PHACTR2: variants seen among roughly 807,000 people sequenced by gnomAD.
The protein encoded by PHACTR2 is chromosome 6 open reading frame 56.
Under a neutral mutation model 76.0 loss-of-function variants are expected in PHACTR2, and 30 were observed. The ratio of observed to expected loss-of-function variants is 0.39; its 90% CI spans 0.30 to 0.54. PHACTR2 has a LOEUF of 0.54. Among genes scored for constraint, PHACTR2 ranks in the 20% least tolerant of loss-of-function variants. The pLI is 0.61. For synonymous variants in PHACTR2, 292 were observed against 292.5 expected (o/e 1.00, Z 0.02); for missense variants, 696 against 781.1 (o/e 0.89, Z 1.30).
intron 1 of PHACTR2, among the ~76,000 whole-genome samples, chr6:143,587,755 T>C (rs1775644772): frequency 6.6e-6 from 1 of 152,198 alleles, no homozygotes; most frequent in African/African-American, 2.4e-5. Flanking sequence ...GGCTCATACC[T>C]GTAATCCCAG....
chr6:143,804,187 A>G (rs1776017990), intron 11 of PHACTR2, among the ~76,000 whole-genome samples: 1 of 152,218 alleles, frequency 6.6e-6, no homozygotes, highest in African/African-American at 2.4e-5. Context: ...GCTGGGTTAG[A>G]TAATTCACTT....
In PHACTR2 at chr6:143,766,676, G is replaced by A. The variant is rs536400303; in HGVS notation, c.1232+878G>A. ...CTCAATGTTACCTCACCCTCATCCA[G>A]TTGGTGGGTTAGTTGCTTTACCACC... is the stretch of plus-strand genomic sequence containing the variant. On this transcript the variant is annotated intron_variant, in intron 6 of 12. Coordinates refer to ENST00000440869, the MANE Select transcript of PHACTR2 (RefSeq NM_001100164.2). Among the ~76,000 whole-genome samples, 9 of 152,320 alleles carry A rather than the reference G, an allele frequency of 5.9e-5. No individual in the cohort carries two copies. The South Asian group carries it at 1.4e-3, about 25-fold the overall frequency.
rs1336599254 is a variant in PHACTR2, at chr6:143,827,194, A to ATATATG, written c.*3511_*3516dup. 14 of 121,780 alleles carry ATATATG rather than the reference A, an allele frequency of 1.1e-4. No individual in the cohort carries two copies. The highest frequency in any genetic ancestry group is 4.2e-4 in the African/African-American group (14 of 33,648). The allele number at this position is 121,780 out of a possible 1,614,324, so 7.5% of individuals were successfully genotyped here. ...TATATATATATATATATATATATAT[A>ATATATG]TATATGTATATTATATATACAGTAG... On this transcript the variant is annotated 3_prime_UTR_variant, in exon 13 of 13. Transcript: ENST00000440869.
rs6932850 is a variant in PHACTR2 at position 143,580,891 on chromosome 6, G to T, written c.217+43684G>T. On this transcript the variant is annotated intron_variant, in intron 1 of 11. Transcript: ENST00000367584. The surrounding 1 kb of genome is among the most constrained non-coding windows in gnomAD (Gnocchi z 4.2). ...GGTGGAGGTAAACTGGGAGGTGGGT[G>T]CTAAAACTTCTAGGGTGGGAGAGAG... Among the ~76,000 whole-genome samples, 1,658 of 152,256 alleles carry T rather than the reference G, an allele frequency of 0.011. 29 individuals carry two copies. Among genetic ancestry groups the T allele is most frequent in the African/African-American group, 0.037 (1,552 of 41,548 alleles).
intron 2 of PHACTR2, among the ~76,000 whole-genome samples, chr6:143,732,703 G>C (rs1334770794): frequency 6.6e-6 from 1 of 152,026 alleles, no homozygotes; most frequent in Non-Finnish European, 1.5e-5. Context: ...ACATTTTGAG[G>C]AACTGCCAAA....
chr6:143,667,897 G>A (rs899005947), intron 1 of PHACTR2, among the ~76,000 whole-genome samples: 1 of 152,126 alleles, frequency 6.6e-6, no homozygotes, highest in African/African-American at 2.4e-5. Flanking sequence ...TATTGCCCTG[G>A]CCAGAACTTC....
rs1302249435 is a variant in PHACTR2 at position 143,733,260 on chromosome 6, T to C, written c.215-15725T>C. Among the ~76,000 whole-genome samples, 2 of 152,160 alleles carry C rather than the reference T, an allele frequency of 1.3e-5. No homozygotes were observed. The highest frequency in any genetic ancestry group is 2.9e-5 in the Non-Finnish European group (2 of 68,034). ...CCATAGCACATTTTACCGTCTAACA[T>C]CTATAAATTATTTCTATTGTTTGTT... On this transcript the variant is annotated intron_variant, in intron 2 of 12. Coordinates refer to ENST00000440869, the MANE Select transcript of PHACTR2 (RefSeq NM_001100164.2). This position sits in a 1 kb window ranked among gnomAD's most constrained non-coding sequence, Gnocchi z 4.0.
At chr6:143,725,497 G>C (rs145420279) in intron 2 of PHACTR2, among the ~76,000 whole-genome samples, 97,842 of 150,844 alleles carry the variant, frequency 0.65, 32,483 homozygotes, top group East Asian at 0.79. Context: ...ACCGCGCCCG[G>C]CCTGTGCTGT....
chr6:143,551,274 C>T (rs934542412), intron 1 of PHACTR2, among the ~76,000 whole-genome samples: 2 of 149,696 alleles, frequency 1.3e-5, no homozygotes, highest in African/African-American at 4.8e-5. Flanking sequence ...TATTTTTTTC[C>T]ATTCATACAT....
chr6:143,668,985 C>T (rs1001986008), intron 1 of PHACTR2, among the ~76,000 whole-genome samples: 2 of 152,104 alleles, frequency 1.3e-5, no homozygotes, highest in African/African-American at 4.8e-5. Context: ...TTAGATCTTT[C>T]CTGCTTTCTC....
intron 2 of PHACTR2, among the ~76,000 whole-genome samples, chr6:143,741,069 G>A (rs1241875237): frequency 2.6e-5 from 4 of 151,516 alleles, no homozygotes; most frequent in African/African-American, 4.9e-5. Context: ...CCAACATGGC[G>A]AAAACCCATC....
At chr6:143,749,821 C>T (rs529202646) in intron 3 of PHACTR2, among the ~76,000 whole-genome samples, 5 of 152,230 alleles carry the variant, frequency 3.3e-5, no homozygotes, top group East Asian at 1.9e-4. Flanking sequence ...TGATTTTCAT[C>T]GCTTCCACTA....
intron 9 of PHACTR2, among the ~76,000 whole-genome samples, chr6:143,778,731 C>T (rs1775345520): frequency 6.6e-6 from 1 of 152,096 alleles, no homozygotes; most frequent in African/African-American, 2.4e-5. Context: ...AAATGCAGAC[C>T]CTACGCTCCT....
At chr6:143,669,616 C>T (rs1296036763) in intron 1 of PHACTR2, among the ~76,000 whole-genome samples, 2 of 152,088 alleles carry the variant, frequency 1.3e-5, no homozygotes, top group Non-Finnish European at 2.9e-5. Flanking sequence ...GATCCCTTTA[C>T]CATTATGTAA....
chr6:143,605,662 A>G (rs1175724303), upstream of PHACTR2, among the ~76,000 whole-genome samples: 1 of 152,102 alleles, frequency 6.6e-6, no homozygotes, highest in Non-Finnish European at 1.5e-5. This position sits in a 1 kb window ranked among gnomAD's most constrained non-coding sequence, Gnocchi z 5.0. Context: ...TGGACACTCA[A>G]CATTAATTTT....
chr6:143,762,527 G>A (rs532708782), intron 5 of PHACTR2, among the ~76,000 whole-genome samples: 11 of 152,072 alleles, frequency 7.2e-5, no homozygotes, highest in Non-Finnish European at 1.5e-4. Flanking sequence ...TGTAAGAATC[G>A]TTTTATCAAA....
rs1279439839 is a variant in PHACTR2, at chr6:143,678,525, AACGCGAAACTTAGAGAGC to A, written c.46+318_46+335del. Among the ~76,000 whole-genome samples, 5 of 152,338 alleles carry A rather than the reference AACGCGAAACTTAGAGAGC, an allele frequency of 3.3e-5. No individual in the cohort carries two copies. The highest frequency in any genetic ancestry group is 1.2e-4 in the African/African-American group (5 of 41,574). ...ATTTGCGTATTACAGTGTTTTTAAAAACGCGAAACTTAGAGAGCAAGAGAAACATGCCAACAGGTTTTT... is the reference window on the plus strand; with the variant it reads ...ATTTGCGTATTACAGTGTTTTTAAAAAAGAGAAACATGCCAACAGGTTTTT... On this transcript the variant is annotated intron_variant, in intron 1 of 12. Coordinates refer to ENST00000440869, the MANE Select transcript of PHACTR2 (RefSeq NM_001100164.2). The surrounding 1 kb of genome is among the most constrained non-coding windows in gnomAD (Gnocchi z 6.2).
intron 1 of PHACTR2, among the ~76,000 whole-genome samples, chr6:143,568,643 A>G (rs915137507): frequency 1.3e-5 from 2 of 152,214 alleles, no homozygotes; most frequent in Admixed American, 1.3e-4. Context: ...TTCTTTATAA[A>G]TGGAGCTGAG....
At chr6:143,707,744 C>A (rs1582794481) in intron 1 of PHACTR2, among the ~76,000 whole-genome samples, 2 of 152,108 alleles carry the variant, frequency 1.3e-5, no homozygotes, top group South Asian at 4.1e-4. Flanking sequence ...TCTCGCACTG[C>A]TGTAAAGAAA....
Sources: allele counts gnomAD v4.1 joint callset (sites outside exome capture counted in the v4.1 genomes callset), GRCh38; gene constraint gnomAD v4.1.1; non-coding constraint Gnocchi (gnomAD v3.1); transcripts MANE v1.5; gene names NCBI Gene and HGNC (gene_info 2026-07-23, HGNC 2026-07-21).